Variants in CUBN observed in about 807,000 individuals in gnomAD.
The protein encoded by CUBN is 460 kDa receptor.
CUBN carries 282 observed loss-of-function variants against 405.3 expected under a neutral mutation model. The observed-to-expected ratio is 0.70, with a 90% confidence interval of 0.63 to 0.77. CUBN has a LOEUF of 0.77. Ranked by LOEUF, CUBN falls within the 30% of genes least tolerant of loss-of-function variation. CUBN has a pLI of 0.00. For synonymous variants in CUBN, 1,684 were observed against 1,617.0 expected (o/e 1.04, Z -0.99); for missense variants, 4,514 against 4,475.2 (o/e 1.01, Z -0.25).
intron 59 of CUBN, among the ~76,000 whole-genome samples, chr10:16,865,981 C>A (rs1479500715): frequency 6.6e-6 from 1 of 152,118 alleles, no homozygotes; most frequent in Non-Finnish European, 1.5e-5. Flanking sequence ...ACAGGCACTG[C>A]CACCACTTGT....
chr10:16,825,628 AGT>A (rs377156071), intron 66 of CUBN, among the ~76,000 whole-genome samples: 7,845 of 135,870 alleles, frequency 0.058, 273 homozygotes, highest in African/African-American at 0.11. Context: ...TCTGTGGAAC[AGT>A]GTGTGTGTGT....
intron 14 of CUBN, among the ~76,000 whole-genome samples, chr10:17,096,356 A>G (rs1425979088): frequency 6.6e-6 from 1 of 152,178 alleles, no homozygotes; most frequent in Non-Finnish European, 1.5e-5. Flanking sequence ...ATCATTTCAC[A>G]AGTTATACAT....
chr10:16,846,736 C>T (rs1483127017), intron 60 of CUBN, among the ~76,000 whole-genome samples: 1 of 149,538 alleles, frequency 6.7e-6, no homozygotes, highest in Non-Finnish European at 1.5e-5. Flanking sequence ...CACTTGAATT[C>T]GGGAGGCAGA....
chr10:16,947,154 G>A, intron 36 of CUBN, 81 bp downstream of exon 36: 1 of 1,427,400 alleles, frequency 7.0e-7, no homozygotes, highest in Non-Finnish European at 9.9e-7. Context: ...TACACTATGA[G>A]TTGCCCATCC....
At chr10:16,829,448 G>A (rs572891426) in intron 65 of CUBN, among the ~76,000 whole-genome samples, 20 of 151,670 alleles carry the variant, frequency 1.3e-4, no homozygotes, top group African/African-American at 4.1e-4. Flanking sequence ...CAGAGTTGAC[G>A]CCAGTGATGT....
In CUBN at chr10:16,903,695, TA is replaced by T. The variant is rs796413004; in HGVS notation, c.8062+270del. Among the ~76,000 whole-genome samples, 3 of 147,980 alleles carry T rather than the reference TA, an allele frequency of 2.0e-5. No homozygotes were observed. The East Asian group carries it at 5.8e-4, about 29-fold the overall frequency. On this transcript the variant is annotated intron_variant, in intron 51 of 66. Transcript: ENST00000377833. ...TATTAATTATTAAATAATTATTGGATAATTTTAAAATTTAATAATTTTAAAA... is the reference window on the plus strand; with the variant it reads ...TATTAATTATTAAATAATTATTGGATATTTTAAAATTTAATAATTTTAAAA...
intron 56 of CUBN, 26 bp from the exon 57 acceptor site, chr10:16,877,123 T>C: frequency 6.3e-7 from 1 of 1,599,152 alleles, no homozygotes; most frequent in Non-Finnish European, 8.5e-7. Flanking sequence ...AACAACCGCA[T>C]TATGATCAGA....
At chr10:17,108,070 T>C (rs1836678687) in intron 10 of CUBN, among the ~76,000 whole-genome samples, 1 of 152,216 alleles carries the variant, frequency 6.6e-6, no homozygotes, top group South Asian at 2.1e-4. Flanking sequence ...GTGTTATTAA[T>C]ACTTCATGTC....
intron 27 of CUBN, among the ~76,000 whole-genome samples, chr10:17,040,310 G>A (rs1287936504): frequency 6.6e-6 from 1 of 152,078 alleles, no homozygotes; most frequent in African/African-American, 2.4e-5. Flanking sequence ...TAACAATATA[G>A]ACAGAAATAA....
intron 55 of CUBN, among the ~76,000 whole-genome samples, chr10:16,889,356 C>T (rs2131397708): frequency 6.6e-6 from 1 of 152,302 alleles, no homozygotes; most frequent in Non-Finnish European, 1.5e-5. Context: ...TGTATTACTT[C>T]CTCTAATTCC....
At chr10:17,015,194 C>T (rs1352289798) in intron 28 of CUBN, among the ~76,000 whole-genome samples, 1 of 152,144 alleles carries the variant, frequency 6.6e-6, no homozygotes, top group African/African-American at 2.4e-5. Context: ...GGGATATTGC[C>T]TTTGATAAGG....
At chr10:16,844,156 C>A (rs1236903211) in intron 60 of CUBN, among the ~76,000 whole-genome samples, 1 of 151,718 alleles carries the variant, frequency 6.6e-6, no homozygotes, top group South Asian at 2.1e-4. Context: ...GTAATCCCAG[C>A]TACTTGGGAG....
chr10:16,932,321 T>C (rs1842385356), intron 40 of CUBN, among the ~76,000 whole-genome samples: 1 of 152,188 alleles, frequency 6.6e-6, no homozygotes, highest in Non-Finnish European at 1.5e-5. Flanking sequence ...ATCTAACAAA[T>C]GATGCTGTGG....
chr10:17,058,037 G>A (rs1388264992), intron 22 of CUBN, among the ~76,000 whole-genome samples: 2 of 151,928 alleles, frequency 1.3e-5, no homozygotes, highest in East Asian at 1.9e-4. Context: ...CAAGAGAATC[G>A]CTTGAACCTG....
intron 28 of CUBN, among the ~76,000 whole-genome samples, chr10:17,019,214 AG>A (rs1394908180): frequency 6.6e-6 from 1 of 152,168 alleles, no homozygotes. Context: ...CTCTTGTTAA[AG>A]AAGACCTTTC....
intron 60 of CUBN, among the ~76,000 whole-genome samples, chr10:16,841,844 T>G (rs1446552770): frequency 7.6e-6 from 1 of 132,222 alleles, no homozygotes; most frequent in African/African-American, 2.9e-5. Flanking sequence ...ATCTAGGAGG[T>G]GGAGGTTACA....
chr10:16,834,008 G>T (rs1381620984), intron 64 of CUBN, among the ~76,000 whole-genome samples: 1 of 152,184 alleles, frequency 6.6e-6, no homozygotes, highest in Non-Finnish European at 1.5e-5. Context: ...ATGAGGTTTA[G>T]ATTTAAACTC....
intron 17 of CUBN, among the ~76,000 whole-genome samples, chr10:17,075,012 TGAG>T (rs1324082683): frequency 6.6e-6 from 1 of 151,280 alleles, no homozygotes; most frequent in African/African-American, 2.4e-5. Flanking sequence ...ACTTGAAAGC[TGAG>T]TAGGAGTTAT....
At chr10:16,864,144 T>G (rs963588438) in intron 59 of CUBN, among the ~76,000 whole-genome samples, 13 of 152,378 alleles carry the variant, frequency 8.5e-5, no homozygotes, top group Middle Eastern at 3.4e-3. Context: ...CCATTTATTC[T>G]GTAAATCACT....
Sources: allele counts gnomAD v4.1 joint callset (sites outside exome capture counted in the v4.1 genomes callset), GRCh38; gene constraint gnomAD v4.1.1; transcripts MANE v1.5; gene names NCBI Gene and HGNC (gene_info 2026-07-23, HGNC 2026-07-21).